Variants in SSX1 observed in about 807,000 individuals in gnomAD.
SSX1 encodes the protein protein SSX1.
SSX1 carries 58 observed loss-of-function variants against 14.6 expected under a neutral mutation model. The ratio of observed to expected loss-of-function variants is 3.96; its 90% CI spans 3.21 to 4.93. The LOEUF is 4.93. Among genes scored for constraint, SSX1 ranks in the 30% most tolerant of loss-of-function variants. SSX1 has a pLI of 0.00. For synonymous variants in SSX1, 46 were observed against 52.1 expected, an observed-to-expected ratio of 0.88 and a Z score of 0.50; for missense variants, 272 against 143.1, an observed-to-expected ratio of 1.90 and a Z score of -4.60.
rs1569451140 is a variant in SSX1, at chrX:48,258,636, G to A, written c.280+5G>A. On this transcript the variant is annotated splice_donor_5th_base_variant and intron_variant, in intron 4 of 7. Transcript: ENST00000376919. ...ACCATAACCGCAGGATTCAGGGTGA[G>A]TAGATGGGAAGTGGCTGGAAAGGTC... 5 of 1,185,453 alleles carry A rather than the reference G, an allele frequency of 4.2e-6. No individual in the cohort carries two copies. Among genetic ancestry groups the A allele is most frequent in the South Asian group, 1.8e-5 (1 of 55,903 alleles).
chrX:48,258,119 G>GTGGCAT (rs2059589880), intron 3 of SSX1, among the ~76,000 whole-genome samples: 1 of 105,692 alleles, frequency 9.5e-6, no homozygotes, highest in African/African-American at 3.5e-5. Flanking sequence ...AGCTGTCTCT[G>GTGGCAT]TGGCATTGCA....
intron 6 of SSX1, among the ~76,000 whole-genome samples, 166 bp downstream of exon 6, chrX:48,264,083 C>T (rs1229729634): frequency 8.9e-6 from 1 of 112,051 alleles, no homozygotes; most frequent in Non-Finnish European, 1.9e-5. Context: ...GAGATGCAGA[C>T]TGGAGTTGTC....
intron 4 of SSX1, among the ~76,000 whole-genome samples, chrX:48,259,802 T>C (rs1357044817): frequency 9.3e-6 from 1 of 107,701 alleles, no homozygotes; most frequent in African/African-American, 3.4e-5. Flanking sequence ...TATGGCTGCA[T>C]AGTATTCCAT....
Position 48,266,355 on chromosome X carries a change from G to T in SSX1, c.535G>T (p.Glu179Ter). ...RERKQLVIYE[E>*]ISDPEEDDE Reference sequence around the variant, plus strand: ...GAGAAAGCAGCTGGTGATTTATGAAGAGATCAGTGACCCTGAGGAAGATGA... The same window carrying T: ...GAGAAAGCAGCTGGTGATTTATGAATAGATCAGTGACCCTGAGGAAGATGA... Residue 179 changes from glutamate to a stop codon, truncating the protein, a stop_gained, in exon 7 of 8, where the codon GAG becomes TAG. Transcript: ENST00000376919. LOFTEE classifies it high-confidence loss of function. The T allele has an allele frequency of 1.7e-6, 2 of 1,210,275 alleles. No homozygotes were observed. Among genetic ancestry groups the T allele is most frequent in the Non-Finnish European group, 2.2e-6 (2 of 895,391 alleles).
intron 4 of SSX1, among the ~76,000 whole-genome samples, chrX:48,259,036 G>A (rs2059594471): frequency 1.9e-5 from 2 of 107,814 alleles, no homozygotes; most frequent in Non-Finnish European, 1.9e-5. Context: ...TGCTCTTGTC[G>A]CCCAGGCTGG....
intron 5 of SSX1, among the ~76,000 whole-genome samples, chrX:48,262,466 C>G (rs1183480698): frequency 8.9e-6 from 1 of 111,972 alleles, no homozygotes; most frequent in Admixed American, 9.5e-5. Flanking sequence ...ACAGGAAGGA[C>G]CAGCTGGCCT....
chrX:48,266,789 G>A (rs1372665513), intron 7 of SSX1, 65 bp from the exon 8 acceptor site: 1 of 723,135 alleles, frequency 1.4e-6, no homozygotes, highest in Non-Finnish European at 2.1e-6. Flanking sequence ...AGGAGGAGTT[G>A]AGGTTGAGTT....
chrX:48,255,469 T>C (rs2059577116), intron 1 of SSX1, 37 bp downstream of exon 1: 1 of 110,252 alleles, frequency 9.1e-6, no homozygotes, highest in South Asian at 3.9e-4. Flanking sequence ...GATGGGCTAA[T>C]CGGGGCAGAT....
In SSX1 at chrX:48,257,222, G is replaced by A. The variant is rs782317769; in HGVS notation, c.-20G>A. ...AAGTCTCAGGCTGTTTCTCTTGCAG[G>A]TGAGACTGCTCCTGGTGCCATGAAC... On this transcript the variant is annotated splice_region_variant and 5_prime_UTR_variant, in exon 2 of 8. The change creates a new upstream start codon in the 5' untranslated region. Coordinates refer to ENST00000376919, the MANE Select transcript of SSX1 (RefSeq NM_005635.4). 1.1e-5 allele frequency: 13 copies of A among 1,210,121 alleles called. No individual in the cohort carries two copies. The Admixed American group carries it at 2.6e-4, about 24-fold the overall frequency.
chrX:48,257,310 G>T lies in SSX1; in HGVS notation c.69G>T (p.Lys23Asn). 1.7e-6 allele frequency: 2 copies of T among 1,210,585 alleles called. No homozygotes were observed. Among genetic ancestry groups the T allele is most frequent in the Non-Finnish European group, 2.2e-6 (2 of 894,746 alleles). Reference sequence around the variant, plus strand: ...CTAAAGCATCAGAGAAGAGAAGCAAGGTGACGTGACCTGGAGGGGGCAGAG... The same window carrying T: ...CTAAAGCATCAGAGAAGAGAAGCAATGTGACGTGACCTGGAGGGGGCAGAG... ...DDAKASEKRS[K>N]AFDDIATYFS... The change falls in exon 2 of 8, where the codon AAG becomes AAT. Residue 23 changes from lysine (K) to asparagine (N), a missense_variant and splice_region_variant. Physicochemically the swap from Lys to Asn is moderately conservative, Grantham distance 94 (BLOSUM62 0). Transcript: ENST00000376919.
At chrX:48,257,920 T>G in intron 3 of SSX1, 60 bp downstream of exon 3, 1 of 750,321 alleles carries the variant, frequency 1.3e-6, no homozygotes, top group Non-Finnish European at 2.0e-6. Context: ...CTTTTCCTGC[T>G]TTGGCTACTT....
intron 4 of SSX1, among the ~76,000 whole-genome samples, chrX:48,261,547 C>T (rs2059603760): frequency 1.8e-5 from 2 of 112,093 alleles, no homozygotes. Context: ...TGGGATTTAA[C>T]CCCCATTTGA....
Position 48,267,225 on chromosome X carries a change from G to A in SSX1, c.*376G>A, listed in dbSNP as rs143604148. On this transcript the variant is annotated 3_prime_UTR_variant, in exon 8 of 8. Coordinates refer to ENST00000376919, the MANE Select transcript of SSX1 (RefSeq NM_005635.4). ...ATGTGACTACTGAGGGCAGTTCTGA[G>A]TGTTTAATTTCAGACTTTTTCCTCT... The A allele has an allele frequency of 2.3e-3, 656 of 280,074 alleles. 6 individuals are homozygous for A. The highest frequency in any genetic ancestry group is 0.018 in the African/African-American group (623 of 35,081). The allele number at this position is 280,074 out of a possible 1,213,427, so 23.1% of individuals were successfully genotyped here.
At chrX:48,260,170 T>G (rs1556935260) in intron 4 of SSX1, among the ~76,000 whole-genome samples, 1 of 102,038 alleles carries the variant, frequency 9.8e-6, no homozygotes, top group Non-Finnish European at 2.0e-5. Flanking sequence ...GGTATCTCAT[T>G]GTGGTTTTGA....
intron 6 of SSX1, 76 bp downstream of exon 6, chrX:48,263,993 A>G: frequency 8.6e-7 from 1 of 1,164,977 alleles, no homozygotes. Context: ...GGTGTGTGGC[A>G]TGGATCCCAG....
chrX:48,259,736 A>G (rs1160161822), intron 4 of SSX1, among the ~76,000 whole-genome samples: 1 of 109,765 alleles, frequency 9.1e-6, no homozygotes, highest in African/African-American at 3.3e-5. Flanking sequence ...TTTACTGAGA[A>G]TGATGATTTC....
chrX:48,258,777 C>T, intron 4 of SSX1, 146 bp downstream of exon 4: 1 of 436,727 alleles, frequency 2.3e-6, no homozygotes, highest in Non-Finnish European at 4.0e-6. Flanking sequence ...AAGTTAACTA[C>T]AGAGGCCATT....
At chrX:48,261,633 C>A in intron 4 of SSX1, 133 bp from the exon 5 acceptor site, 1 of 725,103 alleles carries the variant, frequency 1.4e-6, no homozygotes. Flanking sequence ...AATTCAGAAG[C>A]AAATCTCAAA....
intron 5 of SSX1, among the ~76,000 whole-genome samples, chrX:48,263,440 T>C (rs1481302127): frequency 1.0e-4 from 10 of 97,700 alleles, no homozygotes; most frequent in Non-Finnish European, 1.9e-4. Flanking sequence ...TTGTATTTTA[T>C]AGAAGCTCTT....
Sources: gnomAD v4.1 joint callset for allele counts (sites outside exome capture counted in the v4.1 genomes callset) on GRCh38, gnomAD v4.1.1 for gene constraint, MANE v1.5 for transcripts, NCBI Gene and HGNC (gene_info 2026-07-23, HGNC 2026-07-21) for gene names.